The following ARL16 variants were observed in gnomAD, a reference collection of about 807,000 sequenced individuals.
ARL16 encodes ARF like GTPase 16.
ARL16 carries 21 observed loss-of-function variants against 14.1 expected under a neutral mutation model. The observed-to-expected ratio is 1.48, with a 90% CI of 1.05 to 2.14. The LOEUF is 2.14. Among genes scored for constraint, ARL16 ranks in the 30% most tolerant of loss-of-function variants. The probability of loss-of-function intolerance (pLI) is 0.00; values close to 1 mark genes in which losing one functional copy is unlikely to be tolerated. For missense variants in ARL16, 248 were observed against 222.0 expected, an observed-to-expected ratio of 1.12 and a Z score of -0.74; for synonymous variants, 122 against 91.8, an observed-to-expected ratio of 1.33 and a Z score of -1.88.
chr17:81,683,744 G>GGAGA lies in ARL16; in HGVS notation c.6_9dup (p.Leu4SerfsTer45), dbSNP rs763447437. On this transcript the variant is annotated frameshift_variant, in exon 1 of 5. Transcript: ENST00000622299. LOFTEE classifies it high-confidence loss of function. ...TTCCCGACGCCCGTGGCCCCCAGCA[G>GGAGA]GAGACACATTCCGTGCTTCGCTCCA... The GGAGA allele has an allele frequency of 2.2e-5, 35 of 1,608,086 alleles. No individual in the cohort carries two copies. The East Asian group carries it at 7.8e-4, about 36-fold the overall frequency.
At chr17:81,682,815 G>C (rs760904460) in intron 3 of ARL16, 198 bp downstream of exon 3, 1 of 585,382 alleles carries the variant, frequency 1.7e-6, no homozygotes, top group Non-Finnish European at 3.0e-6. Flanking sequence ...AGCTCCTACC[G>C]GGGGCCTGGG....
chr17:81,683,646 T>TCCGGGTGCCCCCCGCGC (rs1568209236), intron 1 of ARL16, 47 bp downstream of exon 1: 1 of 1,586,090 alleles, frequency 6.3e-7, no homozygotes, highest in South Asian at 1.1e-5. Flanking sequence ...CCCGCCCCAC[T>TCCGGGTGCCCCCCGCGC]CCGGGTGCCC....
In ARL16 at chr17:81,683,693, C is replaced by T. The variant is rs764695007; in HGVS notation, c.61G>A (p.Glu21Lys). 3 of 1,603,740 alleles carry T rather than the reference C, an allele frequency of 1.9e-6. No homozygotes were observed. The highest frequency in any genetic ancestry group is 2.5e-6 in the Non-Finnish European group (3 of 1,176,504). ...GKTLLVKRLQ[E>K]VSSRDGKGDL... ...GTCCCGTCCCCGCGCGGAAGGATATCCTGCAGCCGTTTCACCAGCAGCGTC... is the reference window on the plus strand; with the variant it reads ...GTCCCGTCCCCGCGCGGAAGGATATTCTGCAGCCGTTTCACCAGCAGCGTC... Residue 21 changes from glutamate (E) to lysine (K), a missense_variant and splice_region_variant, in exon 1 of 5, where the codon GAG becomes AAG. Glu to Lys is a moderately conservative substitution (Grantham distance 56). Coordinates refer to ENST00000622299, the MANE Select transcript of ARL16 (RefSeq NM_001040025.3).
Position 81,683,584 on chromosome 17 carries a change from G to T in ARL16, c.72C>A (p.Ser24=), listed in dbSNP as rs775402577. Residue 24 remains serine, a synonymous_variant, in exon 2 of 5, where the codon TCC becomes TCA. Coordinates refer to ENST00000622299, the MANE Select transcript of ARL16 (RefSeq NM_001040025.3). ...CCCCCAGGTCGCCTTTCCCATCCCG[G>T]GAGCTCACCTGTGCGAAGCGGTCAA... The part of the protein sequence containing the change: ...LLVKRLQEVS[S]RDGKGDLGEP... 6.2e-7 allele frequency: 1 copy of T among 1,604,034 alleles called. No individual in the cohort carries two copies. The highest frequency in any genetic ancestry group is 1.7e-5 in the Admixed American group (1 of 58,900).
chr17:81,683,399 G>C, intron 2 of ARL16, 137 bp downstream of exon 2: 1 of 1,202,726 alleles, frequency 8.3e-7, no homozygotes. Flanking sequence ...AGCTCGGGCC[G>C]TCCCCCGCTC....
Position 81,682,033 on chromosome 17 carries a change from C to G in ARL16, c.350+1G>C. ...CTCCCTCTCAGCTCAGGGACGCGTA[C>G]ATTTTATTGAAGAGTATCAGCACCG... On this transcript the variant is annotated splice_donor_variant, in intron 4 of 4. Transcript: ENST00000622299. LOFTEE classifies it high-confidence loss of function. The G allele has an allele frequency of 6.2e-7, 1 of 1,605,934 alleles. No individual in the cohort carries two copies. The highest frequency in any genetic ancestry group is 1.1e-5 in the South Asian group (1 of 90,364).
chr17:81,683,405 CG>C (rs2036897023), intron 2 of ARL16, 130 bp downstream of exon 2: 1 of 1,245,366 alleles, frequency 8.0e-7, no homozygotes, highest in African/African-American at 1.5e-5. Flanking sequence ...GGCCGTCCCC[CG>C]CTCCCGAAGG....
intron 4 of ARL16, 43 bp downstream of exon 4, chr17:81,681,991 C>A (rs748854715): frequency 6.4e-7 from 1 of 1,569,476 alleles, no homozygotes. Context: ...CCCGAGGGAG[C>A]CCCCGCCCCC....
chr17:81,682,347 A>G (rs1207705171), intron 3 of ARL16, 198 bp from the exon 4 acceptor site: 10 of 426,168 alleles, frequency 2.3e-5, no homozygotes, highest in Middle Eastern at 5.6e-4. Flanking sequence ...GGTTCAAGTG[A>G]TTCTCCTGCC....
chr17:81,682,913 A>T, intron 3 of ARL16, 100 bp downstream of exon 3: 1 of 1,069,190 alleles, frequency 9.4e-7, no homozygotes, highest in Non-Finnish European at 1.4e-6. Context: ...GTCACTAAAT[A>T]ACCCAAACCC....
chr17:81,682,923 C>T, intron 3 of ARL16, 90 bp downstream of exon 3: 2 of 1,179,494 alleles, frequency 1.7e-6, no homozygotes, highest in Non-Finnish European at 2.5e-6. Flanking sequence ...AACCCAAACC[C>T]CTTTCTACAC....
At chr17:81,683,627 G>C (rs202102010) in intron 1 of ARL16, 33 bp from the exon 2 acceptor site, 1 of 1,595,864 alleles carries the variant, frequency 6.3e-7, no homozygotes, top group Non-Finnish European at 8.5e-7. Context: ...AGCAGCTAAA[G>C]GGTGAGTCCC....
chr17:81,682,949 A>T (rs781017979), intron 3 of ARL16, 64 bp downstream of exon 3: 1 of 1,403,628 alleles, frequency 7.1e-7, no homozygotes, highest in South Asian at 1.2e-5. Flanking sequence ...AAGGTTGGGG[A>T]CTGGACGTCA....
At chr17:81,683,308 C>G in intron 2 of ARL16, 182 bp from the exon 3 acceptor site, 1 of 816,984 alleles carries the variant, frequency 1.2e-6, no homozygotes, top group Non-Finnish European at 1.9e-6. Flanking sequence ...TGGGGGCGAC[C>G]AGCCACAGGA....
chr17:81,683,616 GAGC>G, intron 1 of ARL16, 22 bp from the exon 2 acceptor site: 2 of 1,596,160 alleles, frequency 1.3e-6, no homozygotes, highest in Non-Finnish European at 1.7e-6. Context: ...TCAAGGACCC[GAGC>G]AGCTAAAGGG....
At chr17:81,683,236 C>T in intron 2 of ARL16, 110 bp from the exon 3 acceptor site, 1 of 1,062,480 alleles carries the variant, frequency 9.4e-7, no homozygotes, top group East Asian at 2.4e-5. Context: ...CCCGCAGACC[C>T]ATTCTCCCTA....
chr17:81,683,454 C>T, intron 2 of ARL16, 82 bp downstream of exon 2: 1 of 1,419,792 alleles, frequency 7.0e-7, no homozygotes, highest in Non-Finnish European at 9.3e-7. Flanking sequence ...TGCGCCTCGG[C>T]GTGCACTTAG....
At chr17:81,683,206 C>T in intron 2 of ARL16, 80 bp from the exon 3 acceptor site, 1 of 1,310,074 alleles carries the variant, frequency 7.6e-7, no homozygotes, top group Non-Finnish European at 1.1e-6. Context: ...CGTGCCCACA[C>T]CTTACACGGT....
Position 81,683,542 on chromosome 17 carries a change from C to A in ARL16, c.114G>T (p.Arg38=). 6.3e-7 allele frequency: 1 copy of A among 1,594,200 alleles called. No homozygotes were observed. ...KGDLGEPPPT[R]PTVGTNLTDI... The stretch of plus-strand genomic sequence containing the variant: ...CGCGGGGGCGGACACCTACCGTGGG[C>A]CGTGTCGGGGGCGGCTCCCCCAGGT... Residue 38 remains arginine, a synonymous_variant, in exon 2 of 5, where the codon CGG becomes CGT. Transcript: ENST00000622299.
Sources: gnomAD v4.1 joint callset for allele counts on GRCh38, gnomAD v4.1.1 for gene constraint, MANE v1.5 for transcripts, NCBI Gene and HGNC (gene_info 2026-07-23, HGNC 2026-07-21) for gene names.